Variants in SHANK2 observed in about 807,000 individuals in gnomAD.
SHANK2 encodes the protein SH3 and multiple ankyrin repeat domains protein 2.
A neutral mutation model predicts 133.7 loss-of-function variants in SHANK2; 43 were observed. The observed-to-expected ratio is 0.32, with a 90% CI of 0.25 to 0.41. The LOEUF (loss-of-function observed/expected upper bound fraction) is 0.41. SHANK2 is among the 10% of genes least tolerant of loss of function. The pLI is 1.00. For synonymous variants in SHANK2, 1,017 were observed against 952.8 expected (o/e 1.07, Z -1.24); for missense variants, 1,994 against 2,235.8 (o/e 0.89, Z 2.18).
intron 14 of SHANK2, among the ~76,000 whole-genome samples, chr11:70,783,577 G>A (rs1947562284): frequency 6.6e-6 from 1 of 152,070 alleles, no homozygotes; most frequent in African/African-American, 2.4e-5. Flanking sequence ...ACACTGTCTG[G>A]GGCTGTGTAA....
intron 15 of SHANK2, among the ~76,000 whole-genome samples, chr11:70,694,952 T>C (rs1945361594): frequency 6.6e-6 from 1 of 152,134 alleles, no homozygotes; most frequent in Non-Finnish European, 1.5e-5. Context: ...GTTCACAGTC[T>C]AGCTGAGGCC....
At chr11:70,558,532 C>T (rs530480502) in intron 17 of SHANK2, among the ~76,000 whole-genome samples, 13 of 152,340 alleles carry the variant, frequency 8.5e-5, no homozygotes, top group Admixed American at 5.2e-4. Flanking sequence ...TGGTCTTAGA[C>T]AAGTGGCTTA....
rs547277829 is a variant in SHANK2, at chr11:71,151,797, C to T, written c.-12-4459G>A. On this transcript the variant is annotated intron_variant, in intron 2 of 25. Transcript: ENST00000601538. ...CTGACTGGCAAGAGCAGGCAGAGAC[C>T]GTCCAGGCTCCAAGCTGCTTCCAGG... is the stretch of plus-strand genomic sequence containing the variant. 1.1e-4 allele frequency among the ~76,000 whole-genome samples: 17 copies of T among 152,322 alleles called. No homozygotes were observed. The East Asian group carries it at 2.9e-3, about 26-fold the overall frequency.
chr11:70,837,975 C>CAAAAAAAAAAAAAAAAAAAA (rs55862093), intron 11 of SHANK2, among the ~76,000 whole-genome samples: 2 of 25,178 alleles, frequency 7.9e-5, no homozygotes, highest in East Asian at 1.1e-3. Flanking sequence ...CATTCTGTCT[C>CAAAAAAAAAAAAAAAAAAAA]AAAAAAAAAA....
At chr11:71,081,355 T>C (rs983601563) in intron 8 of SHANK2, among the ~76,000 whole-genome samples, 4 of 152,226 alleles carry the variant, frequency 2.6e-5, no homozygotes, top group Non-Finnish European at 4.4e-5. Context: ...ATGTGTGCTG[T>C]TCAGCCTGAA....
At chr11:70,802,810 C>T (rs1035437136) in intron 13 of SHANK2, among the ~76,000 whole-genome samples, 1 of 152,208 alleles carries the variant, frequency 6.6e-6, no homozygotes, top group Non-Finnish European at 1.5e-5. Context: ...AATGCTATGT[C>T]ATGGGCTTAG....
chr11:70,807,147 G>A lies in SHANK2; in HGVS notation c.1518C>T (p.Asn506=), dbSNP rs1555052133. 1 of 717,874 alleles carries A rather than the reference G, an allele frequency of 1.4e-6. No individual in the cohort carries two copies. Among genetic ancestry groups the A allele is most frequent in the Admixed American group, 2.0e-5 (1 of 49,976 alleles). 44.5% of individuals were successfully genotyped at this position (717,874 alleles called of 1,614,324 possible). A position where few individuals can be genotyped will look rare whatever the true frequency, so the allele number is the denominator to read the frequency against. ...HVGSPFALGA[N]KDSLSAFEYP... The stretch of plus-strand genomic sequence containing the variant: ...ACTCGAAGGCCGAGAGTGAGTCCTT[G>A]TTGGCACCAAGAGCAAAAGGCGACC... The change falls in exon 13 of 26, where the codon AAC becomes AAT. Residue 506 remains asparagine (N), a synonymous_variant. Coordinates refer to ENST00000601538, the MANE Select transcript of SHANK2 (RefSeq NM_012309.5). The surrounding 1 kb of genome is among the most constrained non-coding windows in gnomAD (Gnocchi z 4.8).
At chr11:71,248,353 C>T (rs1360697027) in intron 1 of SHANK2, among the ~76,000 whole-genome samples, 1 of 152,236 alleles carries the variant, frequency 6.6e-6, no homozygotes, top group African/African-American at 2.4e-5. Context: ...CGCGATTTCA[C>T]AGCACGGGAA....
At chr11:70,667,256 C>T (rs974521951) in intron 15 of SHANK2, among the ~76,000 whole-genome samples, 4 of 152,206 alleles carry the variant, frequency 2.6e-5, no homozygotes, top group African/African-American at 9.6e-5. Flanking sequence ...CCCGGAGACA[C>T]AACTACCTCC....
At chr11:71,194,480 C>CT (rs1953858112) in intron 2 of SHANK2, among the ~76,000 whole-genome samples, 1 of 152,176 alleles carries the variant, frequency 6.6e-6, no homozygotes, top group Non-Finnish European at 1.5e-5. Context: ...TTTGTGTCAA[C>CT]TGAGAATTAA....
In SHANK2 at chr11:70,492,330, C is replaced by T; in HGVS notation, c.2439+5G>A. On this transcript the variant is annotated splice_donor_5th_base_variant and intron_variant, in intron 22 of 25. Coordinates refer to ENST00000601538, the MANE Select transcript of SHANK2 (RefSeq NM_012309.5). The stretch of plus-strand genomic sequence containing the variant: ...CCCTCGTGGTCCCAAGGTACGGCCA[C>T]TCACGTTCATGTCTGAGCCCGCCGG... 1 of 1,610,232 alleles carries T rather than the reference C, an allele frequency of 6.2e-7. No homozygotes were observed. Among genetic ancestry groups the T allele is most frequent in the Non-Finnish European group, 8.5e-7 (1 of 1,179,906 alleles).
chr11:70,577,404 G>A (rs1259018742), intron 17 of SHANK2, among the ~76,000 whole-genome samples: 3 of 152,332 alleles, frequency 2.0e-5, no homozygotes, highest in East Asian at 3.9e-4. Context: ...CACGGACCAC[G>A]AGACATCTCT....
chr11:70,920,558 A>G (rs1555080541), intron 10 of SHANK2, among the ~76,000 whole-genome samples: 1 of 152,272 alleles, frequency 6.6e-6, no homozygotes, highest in Non-Finnish European at 1.5e-5. Context: ...CAAGTCATTA[A>G]AAATCAAAAA....
chr11:71,118,144 T>A (rs35260325), intron 4 of SHANK2, among the ~76,000 whole-genome samples: 1 of 152,106 alleles, frequency 6.6e-6, no homozygotes, highest in Non-Finnish European at 1.5e-5. Context: ...CCAGGGCCCA[T>A]GGTCCTGGTT....
chr11:71,068,880 TACCATC>T (rs1249674986), intron 9 of SHANK2, among the ~76,000 whole-genome samples: 3 of 150,632 alleles, frequency 2.0e-5, no homozygotes, highest in African/African-American at 4.9e-5. Context: ...TCATCATGAT[TACCATC>T]ACCATCACCA....
intron 17 of SHANK2, among the ~76,000 whole-genome samples, chr11:70,540,588 AC>A (rs1433741943): frequency 1.3e-5 from 2 of 151,806 alleles, no homozygotes; most frequent in Non-Finnish European, 2.9e-5. Context: ...AGGCCTTGAA[AC>A]CCACCCCGTC....
At chr11:70,902,999 G>T (rs1399418771) in intron 10 of SHANK2, among the ~76,000 whole-genome samples, 1 of 152,172 alleles carries the variant, frequency 6.6e-6, no homozygotes, top group Non-Finnish European at 1.5e-5. Context: ...CCAGCTGGGG[G>T]AGAAGGGGGA....
intron 17 of SHANK2, among the ~76,000 whole-genome samples, chr11:70,547,831 C>T (rs1050380791): frequency 5.9e-5 from 9 of 152,232 alleles, no homozygotes; most frequent in Admixed American, 5.2e-4. Context: ...ACCATTTAGA[C>T]ACAATCGAGA....
intron 14 of SHANK2, among the ~76,000 whole-genome samples, chr11:70,718,561 G>C (rs1271942200): frequency 2.0e-5 from 3 of 152,176 alleles, no homozygotes; most frequent in African/African-American, 7.2e-5. Flanking sequence ...GCACAGGGCT[G>C]GGGGCTGAGC....
Sources: allele counts gnomAD v4.1 joint callset (sites outside exome capture counted in the v4.1 genomes callset), GRCh38; gene constraint gnomAD v4.1.1; non-coding constraint Gnocchi (gnomAD v3.1); transcripts MANE v1.5; gene names NCBI Gene and HGNC (gene_info 2026-07-23, HGNC 2026-07-21).